Variants in HIVEP3 observed in about 807,000 individuals in gnomAD.
HIVEP3 encodes the protein HIVEP zinc finger 3, also known as transcription factor HIVEP3.
In HIVEP3, 49 loss-of-function variants were observed where a neutral mutation model predicts 152.8. The observed-to-expected ratio is 0.32, with a 90% CI of 0.26 to 0.41. The LOEUF is 0.41. HIVEP3 is among the 10% of genes least tolerant of loss of function. HIVEP3 has a pLI of 1.00. For synonymous variants in HIVEP3, 1,269 were observed against 1,289.0 expected, an observed-to-expected ratio of 0.98 and a Z score of 0.33; for missense variants, 2,790 against 3,103.3, an observed-to-expected ratio of 0.90 and a Z score of 2.40.
chr1:41,874,490 CTAAGGT>C (rs1469340342), intron 1 of HIVEP3, among the ~76,000 whole-genome samples: 2 of 152,160 alleles, frequency 1.3e-5, no homozygotes, highest in Non-Finnish European at 2.9e-5. Context: ...TTCACAGTGT[CTAAGGT>C]TCGAAATGTG....
rs374518908 is a variant in HIVEP3 at position 41,916,102 on chromosome 1, T to C, written c.-801+2311A>G. The stretch of plus-strand genomic sequence containing the variant: ...TTTCATCAAATCATGTCCTAGAACC[T>C]GCCAGGACTTCAGACTAAATGCATC... On this transcript the variant is annotated intron_variant, in intron 1 of 8. Transcript: ENST00000372583. Among the ~76,000 whole-genome samples the C allele has an allele frequency of 5.3e-5, 8 of 152,220 alleles. No individual in the cohort carries two copies. In the East Asian group the frequency reaches 5.8e-4, roughly 11 times the overall value.
At chr1:41,697,045 C>T (rs1416400264) in intron 2 of HIVEP3, among the ~76,000 whole-genome samples, 2 of 152,140 alleles carry the variant, frequency 1.3e-5, no homozygotes, top group Admixed American at 6.5e-5. Context: ...TTCTCCAACC[C>T]CGCGTTGCAC....
chr1:41,574,739 C>T (rs556327626), intron 5 of HIVEP3, among the ~76,000 whole-genome samples: 98 of 152,268 alleles, frequency 6.4e-4, no homozygotes, highest in Middle Eastern at 3.4e-3. Flanking sequence ...CAGGACCAGG[C>T]CACCCTGATC....
intron 5 of HIVEP3, among the ~76,000 whole-genome samples, chr1:41,554,560 G>A (rs1643936419): frequency 6.6e-6 from 1 of 152,224 alleles, no homozygotes; most frequent in African/African-American, 2.4e-5. Context: ...CTTTGGAGGA[G>A]AAGAGGCACT....
At chr1:41,742,472 A>T (rs1647011588) in intron 1 of HIVEP3, among the ~76,000 whole-genome samples, 1 of 152,210 alleles carries the variant, frequency 6.6e-6, no homozygotes, top group Non-Finnish European at 1.5e-5. Flanking sequence ...CCCTCCCAGC[A>T]TCTGGCTTGC....
intron 1 of HIVEP3, among the ~76,000 whole-genome samples, chr1:41,796,365 A>T (rs1386322340): frequency 4.6e-5 from 7 of 152,262 alleles, no homozygotes; most frequent in African/African-American, 1.7e-4. Flanking sequence ...CTGGGCCTGG[A>T]GAAAGCAACA....
chr1:41,547,983 C>T (rs1320293931), intron 5 of HIVEP3, among the ~76,000 whole-genome samples: 1 of 152,130 alleles, frequency 6.6e-6, no homozygotes, highest in Non-Finnish European at 1.5e-5. Context: ...GTCCAGCCTC[C>T]GACCTTTGAC....
chr1:41,569,370 C>T (rs114231690), intron 5 of HIVEP3, among the ~76,000 whole-genome samples: 341 of 152,298 alleles, frequency 2.2e-3, no homozygotes, highest in African/African-American at 7.8e-3. Flanking sequence ...GGTTTTGCTA[C>T]TGTTTAGGTT....
chr1:41,512,132 C>T (rs1164667171), intron 8 of HIVEP3, among the ~76,000 whole-genome samples: 1 of 152,158 alleles, frequency 6.6e-6, no homozygotes, highest in African/African-American at 2.4e-5. Flanking sequence ...TCCAAGGCCA[C>T]ACCCCTTGCA....
chr1:42,020,750 G>A (rs999589938), intron 1 of HIVEP3, among the ~76,000 whole-genome samples: 10 of 152,286 alleles, frequency 6.6e-5, no homozygotes, highest in Non-Finnish European at 4.4e-5. Context: ...TTCATTTAAT[G>A]AGAAGAACAG....
At chr1:41,767,799 T>G (rs1021144479) in intron 1 of HIVEP3, among the ~76,000 whole-genome samples, 2 of 152,244 alleles carry the variant, frequency 1.3e-5, no homozygotes, top group African/African-American at 4.8e-5. Flanking sequence ...GCAGGGCTTT[T>G]GTTCATCTGG....
intron 1 of HIVEP3, among the ~76,000 whole-genome samples, chr1:41,901,919 T>C (rs2124454383): frequency 6.6e-6 from 1 of 152,344 alleles, no homozygotes; most frequent in South Asian, 2.1e-4. Context: ...GAGCTCCTTG[T>C]CTGCTCTATT....
intron 1 of HIVEP3, among the ~76,000 whole-genome samples, chr1:41,840,778 C>G (rs2124368888): frequency 6.6e-6 from 1 of 152,312 alleles, no homozygotes; most frequent in Admixed American, 6.5e-5. Context: ...CCAGAGGAAG[C>G]TTGGCACTGG....
At chr1:41,878,911 A>G (rs1381041338) in intron 1 of HIVEP3, among the ~76,000 whole-genome samples, 3 of 117,054 alleles carry the variant, frequency 2.6e-5, no homozygotes, top group Non-Finnish European at 4.9e-5. Flanking sequence ...TTTCCTTTCC[A>G]TCAACAAGCC....
intron 2 of HIVEP3, among the ~76,000 whole-genome samples, chr1:41,637,756 C>A (rs796396299): frequency 6.6e-6 from 1 of 152,188 alleles, no homozygotes; most frequent in African/African-American, 2.4e-5. Context: ...CCATACTGTT[C>A]TTTTTTTAAG....
chr1:41,972,043 G>A (rs1645232886), intron 1 of HIVEP3, among the ~76,000 whole-genome samples: 1 of 152,104 alleles, frequency 6.6e-6, no homozygotes, highest in South Asian at 2.1e-4. Context: ...CAGAACTGTG[G>A]AAAATAAATA....
intron 1 of HIVEP3, among the ~76,000 whole-genome samples, chr1:41,735,996 TA>T (rs1164640842): frequency 1.3e-5 from 2 of 151,862 alleles, no homozygotes; most frequent in Non-Finnish European, 2.9e-5. Flanking sequence ...GACAACCCAT[TA>T]AAAAAATGAT....
At chr1:41,725,386 A>G (rs1646737760) in intron 1 of HIVEP3, among the ~76,000 whole-genome samples, 1 of 152,174 alleles carries the variant, frequency 6.6e-6, no homozygotes, top group Non-Finnish European at 1.5e-5. Flanking sequence ...GAGAACAGAC[A>G]TCTCTTTTTC....
chr1:41,526,859 A>G (rs534731090), intron 5 of HIVEP3, among the ~76,000 whole-genome samples: 3 of 111,816 alleles, frequency 2.7e-5, no homozygotes, highest in African/African-American at 1.1e-4. Context: ...TCACCCTAAC[A>G]CGCTCACACA....
Sources: allele counts gnomAD v4.1 joint callset (sites outside exome capture counted in the v4.1 genomes callset), GRCh38; gene constraint gnomAD v4.1.1; transcripts MANE v1.5; gene names NCBI Gene and HGNC (gene_info 2026-07-23, HGNC 2026-07-21).